The following EDIL3 variants were observed in gnomAD, a reference collection of about 807,000 sequenced individuals.
EDIL3 encodes EGF-like repeat and discoidin I-like domain-containing protein 3.
EDIL3 carries 37 observed loss-of-function variants against 67.4 expected under a neutral mutation model. The observed-to-expected ratio is 0.55, with a 90% CI of 0.42 to 0.72. The LOEUF is 0.72. Ranked by LOEUF, EDIL3 falls within the 30% of genes least tolerant of loss-of-function variation. The pLI, the probability that EDIL3 is intolerant of heterozygous loss-of-function variation, is 0.00. For missense variants in EDIL3, 527 were observed against 586.3 expected (o/e 0.90, Z 1.04); for synonymous variants, 195 against 196.3 (o/e 0.99, Z 0.05).
At chr5:84,223,838 AT>A (rs1744397149) in intron 3 of EDIL3, among the ~76,000 whole-genome samples, 1 of 151,112 alleles carries the variant, frequency 6.6e-6, no homozygotes, top group Non-Finnish European at 1.5e-5. Flanking sequence ...TATAGTAATC[AT>A]TTTACTATAT....
intron 9 of EDIL3, among the ~76,000 whole-genome samples, chr5:83,995,941 A>G (rs1472389444): frequency 6.6e-6 from 1 of 152,216 alleles, no homozygotes; most frequent in Admixed American, 6.5e-5. Context: ...TAATTGATCA[A>G]TTAGGAAGCA....
rs73134289 is a variant in EDIL3 at position 84,081,428 on chromosome 5, G to C, written c.652-14822C>G. Among the ~76,000 whole-genome samples, 210 of 152,274 alleles carry C rather than the reference G, an allele frequency of 1.4e-3. 1 individual carries two copies. Among genetic ancestry groups the C allele is most frequent in the African/African-American group, 4.9e-3 (202 of 41,542 alleles). On this transcript the variant is annotated intron_variant, in intron 6 of 10. Transcript: ENST00000296591. ...AGAAGAAACAAGAGGAATAAAAAGA[G>C]CAAACGATGTCAGCACATGAGTAGA...
chr5:84,106,894 G>C, intron 5 of EDIL3, 64 bp from the exon 6 acceptor site: 2 of 1,466,178 alleles, frequency 1.4e-6, no homozygotes, highest in Non-Finnish European at 9.1e-7. Context: ...ACATGTGTCT[G>C]TTCGATTTGA....
At chr5:84,067,901 A>AC (rs1561420955) in intron 6 of EDIL3, among the ~76,000 whole-genome samples, 3 of 152,144 alleles carry the variant, frequency 2.0e-5, no homozygotes, top group African/African-American at 7.2e-5. Flanking sequence ...TTTTCCTTGA[A>AC]CAATGCTAAG....
intron 5 of EDIL3, among the ~76,000 whole-genome samples, chr5:84,132,876 G>T (rs1361873727): frequency 1.3e-5 from 2 of 151,796 alleles, no homozygotes; most frequent in African/African-American, 2.4e-5. Flanking sequence ...CTTACTAGAA[G>T]ATTTTAGTTT....
intron 9 of EDIL3, among the ~76,000 whole-genome samples, chr5:84,008,695 T>G (rs2112177777): frequency 6.6e-6 from 1 of 152,256 alleles, no homozygotes; most frequent in East Asian, 1.9e-4. Flanking sequence ...ACAGAAATGA[T>G]GGGATAAAAA....
chr5:84,110,204 C>A (rs1044267869), intron 5 of EDIL3, among the ~76,000 whole-genome samples: 7 of 152,080 alleles, frequency 4.6e-5, no homozygotes, highest in African/African-American at 1.7e-4. Flanking sequence ...CAAATCCAAG[C>A]CTTAGATTTA....
chr5:84,229,911 G>C (rs372545376), intron 2 of EDIL3, 27 bp from the exon 3 acceptor site: 1 of 1,600,422 alleles, frequency 6.2e-7, no homozygotes, highest in Middle Eastern at 1.7e-4. Context: ...AGGTGAAATG[G>C]GGGTGGGGTA....
intron 9 of EDIL3, among the ~76,000 whole-genome samples, chr5:84,038,786 CTTAT>C (rs1361577207): frequency 6.6e-6 from 1 of 152,176 alleles, no homozygotes; most frequent in Non-Finnish European, 1.5e-5. Flanking sequence ...GTCCTGTTTT[CTTAT>C]TTGTCTTTTG....
At chr5:84,355,641 T>C (rs970068723) in intron 1 of EDIL3, among the ~76,000 whole-genome samples, 1 of 152,160 alleles carries the variant, frequency 6.6e-6, no homozygotes, top group Admixed American at 6.5e-5. Context: ...TATTGCTGCC[T>C]GTTCCTTCCT....
chr5:84,064,696 T>G lies in EDIL3; in HGVS notation c.952+4A>C. ...AATACAGAAATAGTTAATTTGAGAC[T>G]TACCCGACAGTTCACAGCCAAGAAG... is the stretch of plus-strand genomic sequence containing the variant. On this transcript the variant is annotated splice_donor_region_variant and intron_variant, in intron 8 of 10. Transcript: ENST00000296591. The G allele has an allele frequency of 6.2e-7, 1 of 1,611,078 alleles. No individual in the cohort carries two copies. The highest frequency in any genetic ancestry group is 8.5e-7 in the Non-Finnish European group (1 of 1,178,394).
intron 9 of EDIL3, among the ~76,000 whole-genome samples, chr5:84,022,429 G>A (rs1361673011): frequency 6.6e-6 from 1 of 151,668 alleles, no homozygotes; most frequent in Non-Finnish European, 1.5e-5. Context: ...AAATAGTAAA[G>A]GTCATATATG....
At chr5:84,230,667 A>G (rs1580388340) in intron 2 of EDIL3, among the ~76,000 whole-genome samples, 1 of 152,020 alleles carries the variant, frequency 6.6e-6, no homozygotes, top group East Asian at 1.9e-4. Flanking sequence ...TGGGCCTCCC[A>G]AAGTGCTGGG....
intron 1 of EDIL3, among the ~76,000 whole-genome samples, chr5:84,365,033 C>T (rs919751669): frequency 1.1e-4 from 16 of 151,864 alleles, no homozygotes; most frequent in East Asian, 1.9e-4. Flanking sequence ...TGTTGCTGTT[C>T]GCTTGTTTTG....
intron 10 of EDIL3, among the ~76,000 whole-genome samples, chr5:83,951,854 A>C (rs186434642): frequency 1.0e-3 from 159 of 151,904 alleles, no homozygotes; most frequent in Non-Finnish European, 1.7e-3. Context: ...GCTCCTAAAA[A>C]GATATGGGAT....
intron 1 of EDIL3, among the ~76,000 whole-genome samples, chr5:84,316,857 G>A (rs1746524920): frequency 6.6e-6 from 1 of 151,990 alleles, no homozygotes; most frequent in Non-Finnish European, 1.5e-5. Context: ...CACATAATTG[G>A]AAACAAAACA....
chr5:84,002,895 G>A lies in EDIL3; in HGVS notation c.1138-39535C>T, dbSNP rs78114775. On this transcript the variant is annotated intron_variant, in intron 9 of 10. Coordinates refer to ENST00000296591, the MANE Select transcript of EDIL3 (RefSeq NM_005711.5). ...CTTCCCTGTGAACCCTTCAACCCCT[G>A]CTCTTCTCTAGGCAGGGCCCCTGGT... Among the ~76,000 whole-genome samples the A allele has an allele frequency of 2.2e-3, 331 of 152,224 alleles. 1 individual carries two copies. The highest frequency in any genetic ancestry group is 7.6e-3 in the African/African-American group (316 of 41,548).
intron 2 of EDIL3, among the ~76,000 whole-genome samples, chr5:84,252,362 C>T (rs1045570896): frequency 1.9e-4 from 29 of 151,740 alleles, no homozygotes; most frequent in African/African-American, 6.8e-4. Context: ...GGCGTGGCGG[C>T]AGGCGCCTGT....
intron 9 of EDIL3, among the ~76,000 whole-genome samples, chr5:84,024,809 T>TC (rs2112196012): frequency 1.3e-5 from 2 of 151,840 alleles, no homozygotes; most frequent in East Asian, 3.9e-4. Flanking sequence ...TCTATTTTTT[T>TC]TTTCACTCTA....
Sources: gnomAD v4.1 joint callset for allele counts (sites outside exome capture counted in the v4.1 genomes callset) on GRCh38, gnomAD v4.1.1 for gene constraint, MANE v1.5 for transcripts, NCBI Gene and HGNC (gene_info 2026-07-23, HGNC 2026-07-21) for gene names.